WTIP: variants seen among roughly 807,000 people sequenced by gnomAD.
WTIP encodes WT1 interacting protein, also known as Wilms tumor protein 1-interacting protein.
In WTIP, 23 loss-of-function variants were observed where a neutral mutation model predicts 41.7. That is an observed-to-expected ratio of 0.55 (90% confidence interval 0.40 to 0.78). The LOEUF (loss-of-function observed/expected upper bound fraction) is 0.78. WTIP is among the 30% of genes least tolerant of loss of function. The pLI is 0.00. For missense variants in WTIP, 619 were observed against 610.5 expected (o/e 1.01, Z -0.15); for synonymous variants, 314 against 269.9 (o/e 1.16, Z -1.60).
rs575960966 is a variant in WTIP at position 34,509,719 on chromosome 19, G to A, written c.*9450G>A. The A allele has an allele frequency of 6.6e-6, 1 of 152,320 alleles. No homozygotes were observed. Among genetic ancestry groups the A allele is most frequent in the East Asian group, 1.9e-4 (1 of 5,186 alleles). The allele number at this position is 152,320 out of a possible 1,614,324, so 9.4% of individuals were successfully genotyped here. Reference sequence around the variant, plus strand: ...GCAAGGCCCTTCCACCTATGAGCCTGTAAAATCAAAAGCAAGTTAGTTACT... The same window carrying A: ...GCAAGGCCCTTCCACCTATGAGCCTATAAAATCAAAAGCAAGTTAGTTACT... On this transcript the variant is annotated 3_prime_UTR_variant, in exon 8 of 8. Coordinates refer to ENST00000590071, the MANE Select transcript of WTIP (RefSeq NM_001080436.2).
chr19:34,496,388 C>G (rs917909438), intron 7 of WTIP, among the ~76,000 whole-genome samples: 3 of 152,152 alleles, frequency 2.0e-5, no homozygotes, highest in Non-Finnish European at 2.9e-5. Flanking sequence ...CCAGGCTGGT[C>G]TTGAACTCCT....
At chr19:34,496,856 C>T (rs966196396) in intron 7 of WTIP, among the ~76,000 whole-genome samples, 23 of 150,536 alleles carry the variant, frequency 1.5e-4, no homozygotes, top group African/African-American at 5.4e-4. Flanking sequence ...GTGTGGCGCT[C>T]TCTTCTCTGA....
Position 34,493,374 on chromosome 19 carries a change from CTG to C in WTIP, c.900+50_900+51del. ...GGAGCCCCTCTGACGTGGGTGGAGT[CTG>C]AGGACTCTACCGTCTCCCCTGCTCC... On this transcript the variant is annotated intron_variant, in intron 4 of 7. Transcript: ENST00000590071. The surrounding 1 kb of genome is among the most constrained non-coding windows in gnomAD (Gnocchi z 4.1). The C allele has an allele frequency of 6.3e-7, 1 of 1,598,094 alleles. No homozygotes were observed. The highest frequency in any genetic ancestry group is 8.5e-7 in the Non-Finnish European group (1 of 1,172,944).
At position 34,482,632 on chromosome 19, in the gene WTIP, G is replaced by A. The variant is rs1394246887; in HGVS notation, c.658G>A (p.Asp220Asn). ...GGCGCTCGAGGCGCGCACGGCGCGG[G>A]ACTACTTCGGTGAGCTCGCTCGGCC... Reference protein sequence around the residue: ...ERALEARTARDYFGICIKCGL... With the variant: ...ERALEARTARNYFGICIKCGL... The change falls in exon 1 of 8, where the codon GAC becomes AAC. Residue 220 changes from aspartate (D) to asparagine (N), a missense_variant. This residue lies in a region of WTIP where 164 missense variants were observed against 219.1 expected (regional missense o/e 0.75). Transcript: ENST00000590071. The A allele has an allele frequency of 1.6e-6, 2 of 1,228,886 alleles. No homozygotes were observed. Among genetic ancestry groups the A allele is most frequent in the Non-Finnish European group, 2.0e-6 (2 of 986,178 alleles). The allele number at this position is 1,228,886 out of a possible 1,614,324, so 76.1% of individuals were successfully genotyped here. A position where few individuals can be genotyped will look rare whatever the true frequency, so the allele number is the denominator to read the frequency against.
intron 7 of WTIP, among the ~76,000 whole-genome samples, chr19:34,499,701 CT>C (rs34005738): frequency 2.9e-3 from 407 of 139,928 alleles, no homozygotes; most frequent in Middle Eastern, 3.6e-3. Flanking sequence ...GAGGAAGAGT[CT>C]TTTTTTTTTT....
Position 34,490,366 on chromosome 19 carries a change from C to T in WTIP, c.668-10C>T. On this transcript the variant is annotated splice_polypyrimidine_tract_variant and intron_variant, in intron 1 of 7. Coordinates refer to ENST00000590071, the MANE Select transcript of WTIP (RefSeq NM_001080436.2). The stretch of plus-strand genomic sequence containing the variant: ...CTAACCCCTGCTCTCTCCTGCCTCT[C>T]CTCTCCTAGGCATTTGCATCAAGTG... 5 of 1,613,714 alleles carry T rather than the reference C, an allele frequency of 3.1e-6. No homozygotes were observed. Among genetic ancestry groups the T allele is most frequent in the South Asian group, 2.2e-5 (2 of 91,072 alleles).
chr19:34,489,957 G>A (rs1352513222), intron 1 of WTIP, among the ~76,000 whole-genome samples: 1 of 152,142 alleles, frequency 6.6e-6, no homozygotes, highest in African/African-American at 2.4e-5. Flanking sequence ...ACCTAAAAGT[G>A]GTTGGGTGCA....
At chr19:34,500,064 G>T (rs866923206) in intron 7 of WTIP, 65 bp from the exon 8 acceptor site, 5 of 1,540,894 alleles carry the variant, frequency 3.2e-6, no homozygotes, top group Admixed American at 3.5e-5. Flanking sequence ...TCCCTCCCCC[G>T]TCCCGTGACC....
rs1213388152 is a variant in WTIP at position 34,482,279 on chromosome 19, G to C, written c.305G>C (p.Gly102Ala). 3 of 1,317,304 alleles carry C rather than the reference G, an allele frequency of 2.3e-6. No homozygotes were observed. Among genetic ancestry groups the C allele is most frequent in the Non-Finnish European group, 2.9e-6 (3 of 1,026,302 alleles). The allele number at this position is 1,317,304 out of a possible 1,614,324, so 81.6% of individuals were successfully genotyped here. A position where few individuals can be genotyped will look rare whatever the true frequency, so the allele number is the denominator to read the frequency against. ...SLAGSDGGGG[G>A]GSARSSGISL... is the part of the protein sequence containing the mutation. ...GCGGGGTCCGACGGCGGCGGCGGTG[G>C]CGGCAGCGCCCGATCCAGCGGCATC... The change falls in exon 1 of 8, where the codon GGC becomes GCC. Residue 102 changes from glycine (G) to alanine (A), a missense_variant. Physicochemically the swap from Gly to Ala is moderately conservative, Grantham distance 60. This residue lies in a region of WTIP where 363 missense variants were observed against 309.0 expected (regional missense o/e 1.17). Coordinates refer to ENST00000590071, the MANE Select transcript of WTIP (RefSeq NM_001080436.2).
Position 34,509,980 on chromosome 19 carries a change from A to G in WTIP, c.*9711A>G, listed in dbSNP as rs919633695. On this transcript the variant is annotated 3_prime_UTR_variant, in exon 8 of 8. Transcript: ENST00000590071. The stretch of plus-strand genomic sequence containing the variant: ...CTCCACCCCTGTGGCTTTGCAGGGC[A>G]TAGCTCCCCTGCTGGCTTCTTTCAT... 6.6e-6 allele frequency: 1 copy of G among 152,230 alleles called. No individual in the cohort carries two copies. Among genetic ancestry groups the G allele is most frequent in the Non-Finnish European group, 1.5e-5 (1 of 68,066 alleles). 9.4% of individuals were successfully genotyped at this position (152,230 alleles called of 1,614,324 possible). A position where few individuals can be genotyped will look rare whatever the true frequency, so the allele number is the denominator to read the frequency against.
At chr19:34,486,093 T>C (rs917701341) in intron 1 of WTIP, among the ~76,000 whole-genome samples, 1 of 141,936 alleles carries the variant, frequency 7.0e-6, no homozygotes, top group African/African-American at 2.5e-5. Flanking sequence ...CCTTGCCTTC[T>C]CTTCAGCCAC....
chr19:34,487,812 C>T (rs1461467279), intron 1 of WTIP, among the ~76,000 whole-genome samples: 2 of 150,206 alleles, frequency 1.3e-5, no homozygotes, highest in African/African-American at 4.9e-5. Flanking sequence ...AGGCCATCTT[C>T]ATGCCCTGTG....
In WTIP at chr19:34,511,236, A is replaced by G. The variant is rs1164378647; in HGVS notation, c.*10967A>G. 6.6e-6 allele frequency: 1 copy of G among 152,254 alleles called. No homozygotes were observed. Among genetic ancestry groups the G allele is most frequent in the Non-Finnish European group, 1.5e-5 (1 of 68,086 alleles). 9.4% of individuals were successfully genotyped at this position (152,254 alleles called of 1,614,324 possible). A position where few individuals can be genotyped will look rare whatever the true frequency, so the allele number is the denominator to read the frequency against. Reference sequence around the variant, plus strand: ...AGAATCATGGCCTGAGGCAAAAGTTATGTGGTAGCGGCAAGAGAAAATGAA... The same window carrying G: ...AGAATCATGGCCTGAGGCAAAAGTTGTGTGGTAGCGGCAAGAGAAAATGAA... On this transcript the variant is annotated 3_prime_UTR_variant, in exon 8 of 8. Transcript: ENST00000590071.
Position 34,482,147 on chromosome 19 carries a change from G to T in WTIP, c.173G>T (p.Gly58Val). 1 of 1,064,474 alleles carries T rather than the reference G, an allele frequency of 9.4e-7. No homozygotes were observed. Among genetic ancestry groups the T allele is most frequent in the East Asian group, 7.1e-5 (1 of 14,092 alleles). 65.9% of individuals were successfully genotyped at this position (1,064,474 alleles called of 1,614,324 possible). A position where few individuals can be genotyped will look rare whatever the true frequency, so the allele number is the denominator to read the frequency against. ...GGCCGCAGAGGGAAGGGCAGCGGCGGCCCCGAGGCCGGGGCGGACGGACTG... is the reference window on the plus strand; with the variant it reads ...GGCCGCAGAGGGAAGGGCAGCGGCGTCCCCGAGGCCGGGGCGGACGGACTG... ...ALGRRGKGSG[G>V]PEAGADGLSR... The change falls in exon 1 of 8, where the codon GGC becomes GTC. Residue 58 changes from glycine (G) to valine (V), a missense_variant. Transcript: ENST00000590071.
chr19:34,482,537 C>T lies in WTIP; in HGVS notation c.563C>T (p.Pro188Leu), dbSNP rs1047967936. ...APFPLPALPL[P>L]PGREGGPSAA... ...TTCCCGCTGCCTGCACTCCCGCTGC[C>T]CCCTGGCCGGGAGGGCGGCCCAAGC... The change falls in exon 1 of 8, where the codon CCC (proline) becomes CTC (leucine). Residue 188 changes from proline (P) to leucine (L), a missense_variant. This residue lies in a region of WTIP where 363 missense variants were observed against 309.0 expected (regional missense o/e 1.17). Coordinates refer to ENST00000590071, the MANE Select transcript of WTIP (RefSeq NM_001080436.2). 3.3e-6 allele frequency: 4 copies of T among 1,228,172 alleles called. No individual in the cohort carries two copies. Among genetic ancestry groups the T allele is most frequent in the Middle Eastern group, 6.3e-4 (2 of 3,166 alleles). 76.1% of individuals were successfully genotyped at this position (1,228,172 alleles called of 1,614,324 possible).
chr19:34,482,842 A>G, intron 1 of WTIP: 1 of 963,178 alleles, frequency 1.0e-6, no homozygotes, highest in Non-Finnish European at 1.2e-6. Flanking sequence ...CTGGATCCCC[A>G]GCAGCGGCTT....
In WTIP at chr19:34,481,807, C is replaced by A. The variant is rs1387660360; in HGVS notation, c.-168C>A. ...GAGCAGGGCGCCGCGTCCCCCGGCC[C>A]GCGCGTGGCCGCCGGAACGACCCCG... On this transcript the variant is annotated 5_prime_UTR_variant, in exon 1 of 8. Transcript: ENST00000590071. 3.3e-5 allele frequency: 6 copies of A among 182,940 alleles called. No homozygotes were observed. The highest frequency in any genetic ancestry group is 6.8e-5 in the Admixed American group (1 of 14,754). 11.3% of individuals were successfully genotyped at this position (182,940 alleles called of 1,614,324 possible).
At chr19:34,496,866 A>C (rs1599960937) in intron 7 of WTIP, among the ~76,000 whole-genome samples, 1 of 143,750 alleles carries the variant, frequency 7.0e-6, no homozygotes, top group East Asian at 2.2e-4. Flanking sequence ...CTCTTCTCTG[A>C]ATCTTTTTTT....
Position 34,481,953 on chromosome 19 carries a change from G to T in WTIP, c.-22G>T, listed in dbSNP as rs1280239006. 7.0e-6 allele frequency: 7 copies of T among 997,050 alleles called. No individual in the cohort carries two copies. In the African/African-American group the frequency reaches 1.2e-4, roughly 17 times the overall value. The allele number at this position is 997,050 out of a possible 1,614,324, so 61.8% of individuals were successfully genotyped here. On this transcript the variant is annotated 5_prime_UTR_variant, in exon 1 of 8. Transcript: ENST00000590071. ...CGGGAAGCGGAGGCGGAGGTGACGCGCCAGGGCCGGCGGGCCGGGCCATGC... is the reference window on the plus strand; with the variant it reads ...CGGGAAGCGGAGGCGGAGGTGACGCTCCAGGGCCGGCGGGCCGGGCCATGC...
Sources: gnomAD v4.1 joint callset for allele counts (sites outside exome capture counted in the v4.1 genomes callset) on GRCh38, gnomAD v4.1.1 for gene constraint, gnomAD v4.1.1 regional missense constraint, Gnocchi (gnomAD v3.1) non-coding constraint, MANE v1.5 for transcripts, NCBI Gene and HGNC (gene_info 2026-07-23, HGNC 2026-07-21) for gene names.